GPATCH2: variants seen among roughly 807,000 people sequenced by gnomAD.
GPATCH2 encodes the protein G patch domain-containing protein 2.
In GPATCH2, 51 loss-of-function variants were observed where a neutral mutation model predicts 58.0. That is an observed-to-expected ratio of 0.88 (90% CI 0.70 to 1.11). The LOEUF is 1.11. GPATCH2 is among the 50% of genes most tolerant of loss of function. The pLI, the probability that GPATCH2 is intolerant of heterozygous loss-of-function variation, is 0.00. For synonymous variants in GPATCH2, 222 were observed against 218.5 expected (o/e 1.02, Z -0.14); for missense variants, 625 against 652.2 (o/e 0.96, Z 0.45).
intron 1 of GPATCH2, among the ~76,000 whole-genome samples, chr1:217,628,001 A>C (rs967899541): frequency 6.6e-6 from 1 of 152,086 alleles, no homozygotes; most frequent in Non-Finnish European, 1.5e-5. Context: ...GCATTAGGCA[A>C]ACAGTAAGTA....
chr1:217,549,214 T>C (rs1665225535), intron 5 of GPATCH2, among the ~76,000 whole-genome samples: 1 of 152,170 alleles, frequency 6.6e-6, no homozygotes, highest in Non-Finnish European at 1.5e-5. Context: ...GGGTTAGACA[T>C]CATGGGAGAT....
At chr1:217,461,070 T>C (rs1660178627) in intron 8 of GPATCH2, among the ~76,000 whole-genome samples, 1 of 152,194 alleles carries the variant, frequency 6.6e-6, no homozygotes, top group Admixed American at 6.5e-5. Flanking sequence ...ATTTTCTGAG[T>C]AGGACTACTA....
chr1:217,494,697 T>C (rs923108927), intron 7 of GPATCH2, among the ~76,000 whole-genome samples: 4 of 152,014 alleles, frequency 2.6e-5, no homozygotes, highest in African/African-American at 7.2e-5. Flanking sequence ...TGAGCCGAGA[T>C]TGCGCCACTG....
At chr1:217,527,005 G>A (rs1409605915) in intron 5 of GPATCH2, among the ~76,000 whole-genome samples, 1 of 152,132 alleles carries the variant, frequency 6.6e-6, no homozygotes, top group Non-Finnish European at 1.5e-5. Context: ...TTAGTTTCAG[G>A]AAAACAAGCT....
At chr1:217,604,008 CT>C (rs1234717923) in intron 5 of GPATCH2, among the ~76,000 whole-genome samples, 4 of 151,800 alleles carry the variant, frequency 2.6e-5, no homozygotes, top group Non-Finnish European at 5.9e-5. Context: ...TAAGTTGTAC[CT>C]TTCTAAGATA....
chr1:217,487,101 A>G (rs955612767), intron 8 of GPATCH2, among the ~76,000 whole-genome samples: 2 of 152,200 alleles, frequency 1.3e-5, no homozygotes, highest in Non-Finnish European at 2.9e-5. Context: ...ATTTTCCCTC[A>G]GCCAGGCTGG....
chr1:217,431,475 G>A, intron 9 of GPATCH2, 110 bp from the exon 10 acceptor site: 2 of 686,620 alleles, frequency 2.9e-6, no homozygotes, highest in East Asian at 5.2e-5. Flanking sequence ...TTTTCAACCA[G>A]GTACTAGAGG....
In GPATCH2 at chr1:217,514,819, C is replaced by CA. The variant is rs1437387583; in HGVS notation, c.1166+2dup. 7.1e-7 allele frequency: 1 copy of CA among 1,402,170 alleles called. No homozygotes were observed. The highest frequency in any genetic ancestry group is 2.3e-5 in the East Asian group (1 of 43,848). 86.9% of individuals were successfully genotyped at this position (1,402,170 alleles called of 1,614,324 possible). A position where few individuals can be genotyped will look rare whatever the true frequency, so the allele number is the denominator to read the frequency against. On this transcript the variant is annotated splice_region_variant and intron_variant, in intron 6 of 9. Coordinates refer to ENST00000366935, the MANE Select transcript of GPATCH2 (RefSeq NM_018040.5). ...AGGTTATATAAACACACTGAGTACT[C>CA]ACTCATGGTGATGAGAATCCGGGGA... is the stretch of plus-strand genomic sequence containing the variant.
intron 5 of GPATCH2, among the ~76,000 whole-genome samples, chr1:217,594,491 A>T (rs1667730048): frequency 6.6e-6 from 1 of 152,080 alleles, no homozygotes; most frequent in South Asian, 2.1e-4. Context: ...CTGTAACTTC[A>T]TGTGGTACTT....
At chr1:217,502,823 A>G (rs1662371206) in intron 6 of GPATCH2, among the ~76,000 whole-genome samples, 1 of 152,170 alleles carries the variant, frequency 6.6e-6, no homozygotes. Flanking sequence ...TGAAGAAAAG[A>G]AAGATTTACT....
intron 8 of GPATCH2, among the ~76,000 whole-genome samples, chr1:217,458,173 T>C (rs1053942756): frequency 6.6e-6 from 1 of 152,070 alleles, no homozygotes; most frequent in Non-Finnish European, 1.5e-5. Flanking sequence ...GAGCTTGCAG[T>C]GAGCCGAGAT....
At chr1:217,499,908 T>C (rs1303975238) in intron 6 of GPATCH2, among the ~76,000 whole-genome samples, 2 of 152,176 alleles carry the variant, frequency 1.3e-5, no homozygotes, top group African/African-American at 4.8e-5. Context: ...TTGTGTTTAA[T>C]GCTATATTTC....
Position 217,431,140 on chromosome 1 carries a change from T to C in GPATCH2, c.*5A>G. 3 of 1,338,056 alleles carry C rather than the reference T, an allele frequency of 2.2e-6. No individual in the cohort carries two copies. Among genetic ancestry groups the C allele is most frequent in the Non-Finnish European group, 3.2e-6 (3 of 927,688 alleles). 82.9% of individuals were successfully genotyped at this position (1,338,056 alleles called of 1,614,324 possible). ...AGTCTGTAAAACATTTCTTCTTTGC[T>C]TTTCTTAGGCGGATTTTCCTGCATT... is the stretch of plus-strand genomic sequence containing the variant. On this transcript the variant is annotated 3_prime_UTR_variant, in exon 10 of 10. Coordinates refer to ENST00000366935, the MANE Select transcript of GPATCH2 (RefSeq NM_018040.5).
At chr1:217,457,102 G>A (rs1321963909) in intron 8 of GPATCH2, among the ~76,000 whole-genome samples, 1 of 152,150 alleles carries the variant, frequency 6.6e-6, no homozygotes, top group Admixed American at 6.5e-5. Flanking sequence ...AAATGTAAGT[G>A]GTTTTGGCAG....
chr1:217,621,224 G>A (rs1669173017), intron 1 of GPATCH2, among the ~76,000 whole-genome samples: 1 of 152,152 alleles, frequency 6.6e-6, no homozygotes, highest in Non-Finnish European at 1.5e-5. Context: ...GCAAGAATAA[G>A]CATAAGCATT....
At chr1:217,493,808 T>A (rs980806527) in intron 7 of GPATCH2, among the ~76,000 whole-genome samples, 1 of 152,096 alleles carries the variant, frequency 6.6e-6, no homozygotes, top group African/African-American at 2.4e-5. Context: ...GATGATGAAA[T>A]CTCTACCTCT....
rs752579456 is a variant in GPATCH2, at chr1:217,619,791, C to CA, written c.764dup (p.Met255IlefsTer3). The CA allele has an allele frequency of 3.3e-6, 5 of 1,513,440 alleles. No homozygotes were observed. The highest frequency in any genetic ancestry group is 1.4e-5 in the African/African-American group (1 of 71,944). 93.8% of individuals were successfully genotyped at this position (1,513,440 alleles called of 1,614,324 possible). A position where few individuals can be genotyped will look rare whatever the true frequency, so the allele number is the denominator to read the frequency against. ...GAGAATATAAAAGTCACCTTTCACT[C>CA]ATGAGCTCATCTGAGACTTTTTGCT... On this transcript the variant is annotated frameshift_variant, in exon 2 of 10. Transcript: ENST00000366935. LOFTEE classifies it high-confidence loss of function.
In GPATCH2 at chr1:217,463,641, C is replaced by CAAAAAAAAAAAAAA. The variant is rs201402598; in HGVS notation, c.1278-14318_1278-14305dup. Among the ~76,000 whole-genome samples the CAAAAAAAAAAAAAA allele has an allele frequency of 8.5e-5, 7 of 82,452 alleles. 1 individual carries two copies. The highest frequency in any genetic ancestry group is 1.1e-4 in the Non-Finnish European group (5 of 45,036). The allele number at this position is 82,452 out of a possible 152,430, so 54.1% of individuals were successfully genotyped here. ...GCAACATAGCAAGAACTTATCACTC[C>CAAAAAAAAAAAAAA]AAAAAAAAAAAAAAAAAAAAAAAAA... On this transcript the variant is annotated intron_variant, in intron 8 of 9. Transcript: ENST00000366935.
At chr1:217,555,124 T>C (rs1212452638) in intron 5 of GPATCH2, among the ~76,000 whole-genome samples, 1 of 152,220 alleles carries the variant, frequency 6.6e-6, no homozygotes, top group Non-Finnish European at 1.5e-5. Flanking sequence ...TTAATGGATT[T>C]CTAAAACCAA....
Sources: allele counts gnomAD v4.1 joint callset (sites outside exome capture counted in the v4.1 genomes callset), GRCh38; gene constraint gnomAD v4.1.1; transcripts MANE v1.5; gene names NCBI Gene and HGNC (gene_info 2026-07-23, HGNC 2026-07-21).